The following PCED1B variants were observed in gnomAD, a reference collection of about 807,000 sequenced individuals.
PCED1B encodes PC-esterase domain-containing protein 1B.
For missense variants in PCED1B, 573 were observed against 573.9 expected, an observed-to-expected ratio of 1.00 and a Z score of 0.02; for synonymous variants, 251 against 246.1, an observed-to-expected ratio of 1.02 and a Z score of -0.19.
At chr12:47,231,576 A>T (rs1167491566) in intron 3 of PCED1B, among the ~76,000 whole-genome samples, 1 of 152,130 alleles carries the variant, frequency 6.6e-6, no homozygotes, top group African/African-American at 2.4e-5. Context: ...GCAGATCTGG[A>T]GGCCCTTTCT....
rs780264449 is a variant in PCED1B at position 47,235,028 on chromosome 12, G to A, written c.-36G>A. 2.8e-5 allele frequency: 42 copies of A among 1,502,980 alleles called. No individual in the cohort carries two copies. Among genetic ancestry groups the A allele is most frequent in the Non-Finnish European group, 3.6e-5 (41 of 1,123,956 alleles). The allele number at this position is 1,502,980 out of a possible 1,614,324, so 93.1% of individuals were successfully genotyped here. A position where few individuals can be genotyped will look rare whatever the true frequency, so the allele number is the denominator to read the frequency against. ...CTAGCCATCCGCAGAGCCATCCTGT[G>A]CAAAGGAAGGAGCTAGGCTGTGCGC... On this transcript the variant is annotated 5_prime_UTR_variant, in exon 4 of 4. Coordinates refer to ENST00000546455, the MANE Select transcript of PCED1B (RefSeq NM_138371.3).
intron 2 of PCED1B, among the ~76,000 whole-genome samples, chr12:47,168,473 A>G (rs541710946): frequency 6.6e-6 from 1 of 151,892 alleles, no homozygotes; most frequent in African/African-American, 2.4e-5. Flanking sequence ...TTTTAGGTCT[A>G]TTTATCCTTT....
intron 3 of PCED1B, among the ~76,000 whole-genome samples, chr12:47,230,567 G>A (rs758520651): frequency 2.6e-5 from 4 of 151,960 alleles, no homozygotes; most frequent in Non-Finnish European, 5.9e-5. Flanking sequence ...CTCAGCCTCC[G>A]AGTAGCTGGG....
Position 47,152,791 on chromosome 12 carries a change from C to T in PCED1B, c.-526+48596C>T, listed in dbSNP as rs571139303. Among the ~76,000 whole-genome samples, 487 of 152,008 alleles carry T rather than the reference C, an allele frequency of 3.2e-3. 3 individuals carry two copies. The highest frequency in any genetic ancestry group is 0.011 in the African/African-American group (438 of 41,452). On this transcript the variant is annotated intron_variant, in intron 2 of 3. Transcript: ENST00000546455. ...ACTAAAAATACAAAAAAACATTAGC[C>T]GGGTGTGGTGGCGCACACCTATAGT...
intron 1 of PCED1B, among the ~76,000 whole-genome samples, 185 bp from the exon 2 acceptor site, chr12:47,103,928 C>A (rs1458267037): frequency 1.3e-5 from 2 of 152,170 alleles, no homozygotes; most frequent in Non-Finnish European, 2.9e-5. Flanking sequence ...ACCCCGATGG[C>A]CCCTGTGCAT....
At chr12:47,132,125 CACTA>C (rs1030859362) in intron 2 of PCED1B, among the ~76,000 whole-genome samples, 22 of 152,138 alleles carry the variant, frequency 1.4e-4, no homozygotes, top group African/African-American at 5.3e-4. Flanking sequence ...TTTAAAAAAA[CACTA>C]ACTGGCTGCC....
intron 3 of PCED1B, among the ~76,000 whole-genome samples, chr12:47,219,240 T>A (rs940757856): frequency 5.9e-5 from 9 of 152,170 alleles, no homozygotes; most frequent in African/African-American, 2.2e-4. Context: ...GCAACAATAA[T>A]AAAATAATGT....
chr12:47,117,048 G>A (rs1939450906), intron 2 of PCED1B, among the ~76,000 whole-genome samples: 1 of 152,124 alleles, frequency 6.6e-6, no homozygotes, highest in South Asian at 2.1e-4. Flanking sequence ...TGAGATGGGA[G>A]GACTGTTTGA....
chr12:47,148,641 A>T (rs1444126372), intron 2 of PCED1B, among the ~76,000 whole-genome samples: 1 of 152,244 alleles, frequency 6.6e-6, no homozygotes, highest in Non-Finnish European at 1.5e-5. Flanking sequence ...ACAAAGGCCC[A>T]GAGAGCCATG....
intron 2 of PCED1B, among the ~76,000 whole-genome samples, chr12:47,178,561 A>G (rs58404650): frequency 0.038 from 5,801 of 151,324 alleles, 125 homozygotes; most frequent in Middle Eastern, 0.075. Flanking sequence ...AAATAAAGGG[A>G]AAAAAAGCAT....
intron 3 of PCED1B, among the ~76,000 whole-genome samples, chr12:47,231,346 A>C (rs1313843381): frequency 5.9e-5 from 9 of 152,178 alleles, no homozygotes; most frequent in African/African-American, 2.2e-4. Flanking sequence ...GACAGGACAA[A>C]GGGGTATAAG....
chr12:47,222,786 G>A (rs558342207), intron 3 of PCED1B, among the ~76,000 whole-genome samples: 4 of 152,118 alleles, frequency 2.6e-5, no homozygotes, highest in Admixed American at 6.6e-5. Flanking sequence ...CAAACCCAGG[G>A]GGCCAACCCC....
chr12:47,212,933 A>G (rs1265742978), intron 2 of PCED1B, among the ~76,000 whole-genome samples: 1 of 152,238 alleles, frequency 6.6e-6, no homozygotes, highest in African/African-American at 2.4e-5. Flanking sequence ...CTGAACCACT[A>G]GGCTGCATTG....
intron 2 of PCED1B, among the ~76,000 whole-genome samples, chr12:47,108,483 T>A (rs1410089501): frequency 1.3e-5 from 2 of 152,212 alleles, no homozygotes; most frequent in African/African-American, 4.8e-5. Flanking sequence ...TCAGATTGTG[T>A]TTTTCCCCAC....
intron 2 of PCED1B, among the ~76,000 whole-genome samples, chr12:47,215,148 GTA>G (rs1403668873): frequency 4.0e-5 from 6 of 150,836 alleles, no homozygotes; most frequent in Non-Finnish European, 5.9e-5. Context: ...TTTCATCTTG[GTA>G]TTTGTAGGGA....
intron 2 of PCED1B, among the ~76,000 whole-genome samples, chr12:47,115,611 A>G (rs553339633): frequency 6.6e-6 from 1 of 152,038 alleles, no homozygotes; most frequent in Non-Finnish European, 1.5e-5. Context: ...AATGTTTCAG[A>G]TTAGAAAATA....
intron 1 of PCED1B, chr12:47,080,073 CTCCTCCCGCTT>C (rs1941950771): frequency 1.3e-5 from 2 of 152,434 alleles, no homozygotes; most frequent in South Asian, 4.1e-4. Flanking sequence ...GCCTCGCCGC[CTCCTCCCGCTT>C]TCCTCCTCCA....
At chr12:47,148,308 G>A (rs542673474) in intron 2 of PCED1B, among the ~76,000 whole-genome samples, 53 of 152,126 alleles carry the variant, frequency 3.5e-4, no homozygotes, top group South Asian at 2.5e-3. Context: ...ATTTTAGAGG[G>A]GACATTAAAT....
At chr12:47,126,187 C>T (rs1435503050) in intron 2 of PCED1B, among the ~76,000 whole-genome samples, 1 of 151,944 alleles carries the variant, frequency 6.6e-6, no homozygotes, top group Non-Finnish European at 1.5e-5. Context: ...AGGACTTTCC[C>T]GTCTATTCCT....
Sources: allele counts gnomAD v4.1 joint callset (sites outside exome capture counted in the v4.1 genomes callset), GRCh38; gene constraint gnomAD v4.1.1; transcripts MANE v1.5; gene names NCBI Gene and HGNC (gene_info 2026-07-23, HGNC 2026-07-21).